Variants in GLI2 observed in about 807,000 individuals in gnomAD.
GLI2 encodes the protein transcription activator GLI2.
Under a neutral mutation model 78.9 loss-of-function variants are expected in GLI2, and 22 were observed. The observed-to-expected ratio is 0.28, with a 90% CI of 0.20 to 0.40. The LOEUF (loss-of-function observed/expected upper bound fraction) is 0.40, where lower values mean the gene tolerates loss of function less well. Among genes scored for constraint, GLI2 ranks in the 10% least tolerant of loss-of-function variants. The pLI is 1.00. For synonymous variants in GLI2, 974 were observed against 963.7 expected, an observed-to-expected ratio of 1.01 and a Z score of -0.20; for missense variants, 2,097 against 2,213.2, an observed-to-expected ratio of 0.95 and a Z score of 1.05.
chr2:120,804,771 G>T (rs1156457338), intron 2 of GLI2, among the ~76,000 whole-genome samples: 6 of 152,232 alleles, frequency 3.9e-5, no homozygotes, highest in Non-Finnish European at 7.3e-5. Flanking sequence ...CGGGGTGCAG[G>T]CTGACCACCC....
At chr2:120,978,378 G>A in intron 9 of GLI2, 56 bp from the exon 10 acceptor site, 4 of 1,605,730 alleles carry the variant, frequency 2.5e-6, no homozygotes, top group East Asian at 2.2e-5. Context: ...ACAGCAGGGG[G>A]TGGTCTGTGG....
chr2:120,828,278 C>G (rs1373146153), intron 2 of GLI2, among the ~76,000 whole-genome samples: 1 of 152,202 alleles, frequency 6.6e-6, no homozygotes, highest in Non-Finnish European at 1.5e-5. Context: ...GTTAGTTCTC[C>G]CCGCTCTCTC....
chr2:120,749,035 G>T (rs1682782474), intron 1 of GLI2, among the ~76,000 whole-genome samples: 2 of 151,972 alleles, frequency 1.3e-5, no homozygotes, highest in Admixed American at 6.6e-5. Context: ...TTGGTCTTTG[G>T]TGTACCCTTC....
intron 3 of GLI2, among the ~76,000 whole-genome samples, chr2:120,940,328 C>T (rs528220091): frequency 1.3e-4 from 20 of 152,274 alleles, no homozygotes; most frequent in African/African-American, 4.3e-4. Context: ...ATGTTCTCCT[C>T]CCACCCAGAT....
Position 120,990,112 on chromosome 2 carries a change from G to T in GLI2, c.4147G>T (p.Gly1383Cys), listed in dbSNP as rs143914758. ...GCAGCTGGCCTACGCCAGGGCCACA[G>T]GCCATGCCATGGCTGCCATGCCGTC... Reference protein sequence around the residue: ...QQQLAYARATGHAMAAMPSSQ... With the variant: ...QQQLAYARATCHAMAAMPSSQ... The change falls in exon 14 of 14, where the codon GGC (glycine) becomes TGC (cysteine). Residue 1383 changes from glycine to cysteine, a missense_variant. By Grantham distance (159) the Gly-to-Cys change is radical. Transcript: ENST00000361492. 364 of 1,603,028 alleles carry T rather than the reference G, an allele frequency of 2.3e-4. 1 individual carries two copies. Among genetic ancestry groups the T allele is most frequent in the Non-Finnish European group, 2.9e-4 (341 of 1,173,354 alleles).
rs1274713524 is a variant in GLI2 at position 120,992,339 on chromosome 2, T to G, written c.*1664T>G. On this transcript the variant is annotated 3_prime_UTR_variant, in exon 14 of 14. Transcript: ENST00000361492. ...CCTTGCCAGTCCCAACCTGTATATATTCTGTACAGAAGACATCCCTGAATA... is the reference window on the plus strand; with the variant it reads ...CCTTGCCAGTCCCAACCTGTATATAGTCTGTACAGAAGACATCCCTGAATA... 1 of 152,198 alleles carries G rather than the reference T, an allele frequency of 6.6e-6. No individual in the cohort carries two copies. The highest frequency in any genetic ancestry group is 1.5e-5 in the Non-Finnish European group (1 of 68,044). The allele number at this position is 152,198 out of a possible 1,614,324, so 9.4% of individuals were successfully genotyped here.
At chr2:120,871,432 G>A (rs957521688) in intron 2 of GLI2, among the ~76,000 whole-genome samples, 4 of 152,338 alleles carry the variant, frequency 2.6e-5, no homozygotes, top group East Asian at 1.9e-4. Flanking sequence ...CTGAACCCAC[G>A]CCCAGGCGTC....
chr2:120,766,682 C>T (rs1683376388), intron 1 of GLI2, among the ~76,000 whole-genome samples: 2 of 152,198 alleles, frequency 1.3e-5, no homozygotes, highest in African/African-American at 2.4e-5. Flanking sequence ...CTTTATGCCT[C>T]AGTTTCTGCA....
chr2:120,962,858 A>T (rs11680138), intron 5 of GLI2, among the ~76,000 whole-genome samples: 121,772 of 151,926 alleles, frequency 0.8, 52,880 homozygotes, highest in East Asian at 1. Context: ...ATTCTTTTTT[A>T]AAAAATGTGT....
chr2:120,854,830 A>G (rs1028248144), intron 2 of GLI2, among the ~76,000 whole-genome samples: 3 of 152,202 alleles, frequency 2.0e-5, no homozygotes, highest in African/African-American at 4.8e-5. Context: ...TAGGCCTGCG[A>G]TGGGGCTTGA....
chr2:120,745,147 A>G (rs1045249991), intron 1 of GLI2, among the ~76,000 whole-genome samples: 2 of 152,186 alleles, frequency 1.3e-5, no homozygotes, highest in Non-Finnish European at 2.9e-5. Context: ...TCTGGTGGTT[A>G]CTTGCTTTTA....
chr2:120,899,800 T>C (rs1004301681), intron 2 of GLI2, among the ~76,000 whole-genome samples: 2 of 152,164 alleles, frequency 1.3e-5, no homozygotes, highest in African/African-American at 4.8e-5. Flanking sequence ...GTACAGCGAG[T>C]GTAAAGGCAG....
intron 3 of GLI2, among the ~76,000 whole-genome samples, chr2:120,931,513 A>C (rs1019171639): frequency 6.6e-6 from 1 of 152,192 alleles, no homozygotes; most frequent in Non-Finnish European, 1.5e-5. Flanking sequence ...TAGGGTGTGG[A>C]TGTTCTTGGG....
intron 3 of GLI2, among the ~76,000 whole-genome samples, chr2:120,942,723 G>A (rs1274251565): frequency 6.6e-6 from 1 of 152,202 alleles, no homozygotes; most frequent in African/African-American, 2.4e-5. Flanking sequence ...GCAGGAGTGA[G>A]CTGAGGTGAG....
At chr2:120,921,761 T>C (rs1679392128) in intron 2 of GLI2, among the ~76,000 whole-genome samples, 1 of 152,202 alleles carries the variant, frequency 6.6e-6, no homozygotes, top group South Asian at 2.1e-4. Flanking sequence ...TCCCAGGGGC[T>C]TCCCAGATTG....
chr2:120,959,928 C>T (rs1430339696), intron 5 of GLI2, among the ~76,000 whole-genome samples: 5 of 152,154 alleles, frequency 3.3e-5, no homozygotes, highest in Admixed American at 3.3e-4. Flanking sequence ...AATGTGTGTT[C>T]ACACCAGGAA....
intron 1 of GLI2, among the ~76,000 whole-genome samples, chr2:120,742,205 C>A (rs1682569486): frequency 6.6e-6 from 1 of 152,214 alleles, no homozygotes; most frequent in Non-Finnish European, 1.5e-5. Flanking sequence ...TTGTCCACTC[C>A]CGGCGACAGG....
chr2:120,802,114 G>A (rs966019089), intron 2 of GLI2, among the ~76,000 whole-genome samples: 10 of 152,176 alleles, frequency 6.6e-5, no homozygotes, highest in Non-Finnish European at 5.9e-5. Context: ...GTCTGGGGCC[G>A]TGAGTTATTT....
At chr2:120,915,036 G>A (rs139825424) in intron 2 of GLI2, among the ~76,000 whole-genome samples, 2,663 of 152,296 alleles carry the variant, frequency 0.017, 32 homozygotes, top group Middle Eastern at 0.048. Flanking sequence ...GGCCTCTCCC[G>A]TGGCGTTGGC....
Sources: allele counts gnomAD v4.1 joint callset (sites outside exome capture counted in the v4.1 genomes callset), GRCh38; gene constraint gnomAD v4.1.1; transcripts MANE v1.5; gene names NCBI Gene and HGNC (gene_info 2026-07-23, HGNC 2026-07-21).